TMEM131L: variants seen among roughly 807,000 people sequenced by gnomAD.
TMEM131L encodes transmembrane protein 131-like.
A neutral mutation model predicts 192.2 loss-of-function variants in TMEM131L; 54 were observed. That is an observed-to-expected ratio of 0.28 (90% confidence interval 0.23 to 0.35). The LOEUF (loss-of-function observed/expected upper bound fraction) is 0.35, where lower values mean the gene tolerates loss of function less well. Ranked by LOEUF, TMEM131L falls within the 10% of genes least tolerant of loss-of-function variation. The pLI is 1.00. For synonymous variants in TMEM131L, 701 were observed against 704.9 expected, an observed-to-expected ratio of 0.99 and a Z score of 0.09; for missense variants, 1,888 against 1,972.9, an observed-to-expected ratio of 0.96 and a Z score of 0.82.
At chr4:153,546,512 G>A (rs1737186819) in intron 3 of TMEM131L, among the ~76,000 whole-genome samples, 1 of 152,170 alleles carries the variant, frequency 6.6e-6, no homozygotes. Context: ...TTTCTTTGAA[G>A]CGAACTTTGG....
At chr4:153,612,854 C>A (rs539250573) in intron 26 of TMEM131L, among the ~76,000 whole-genome samples, 1 of 152,146 alleles carries the variant, frequency 6.6e-6, no homozygotes, top group Non-Finnish European at 1.5e-5. Flanking sequence ...GAGGGAAGAA[C>A]TAACTTTGCA....
In TMEM131L at chr4:153,604,012, G is replaced by C. The variant is rs1332787923; in HGVS notation, c.3000G>C (p.Thr1000=). 1 of 1,613,944 alleles carries C rather than the reference G, an allele frequency of 6.2e-7. No individual in the cohort carries two copies. Among genetic ancestry groups the C allele is most frequent in the African/African-American group, 1.3e-5 (1 of 74,896 alleles). ...CAGCTGCGGCCAGCAGCACCAGCAC[G>C]ACTACTGAGGAAAAACAGACTTCAC... is the stretch of plus-strand genomic sequence containing the variant. ...TSTAAASSTS[T]TTEEKQTSPL... The change falls in exon 25 of 35, where the codon ACG becomes ACC. Residue 1000 remains threonine, a synonymous_variant. Coordinates refer to ENST00000409959, the MANE Select transcript of TMEM131L (RefSeq NM_001131007.2).
At chr4:153,545,380 C>T (rs546855447) in intron 3 of TMEM131L, among the ~76,000 whole-genome samples, 3 of 151,526 alleles carry the variant, frequency 2.0e-5, no homozygotes, top group South Asian at 2.1e-4. Flanking sequence ...CTCCGCCTCC[C>T]GGGTTCACGC....
chr4:153,512,056 G>T (rs561528903), intron 3 of TMEM131L, among the ~76,000 whole-genome samples: 6 of 151,610 alleles, frequency 4.0e-5, no homozygotes, highest in Non-Finnish European at 7.3e-5. Context: ...AGTTGAGATC[G>T]AGGAGAAAGG....
At chr4:153,560,668 T>G (rs1387902634) in intron 7 of TMEM131L, among the ~76,000 whole-genome samples, 2 of 152,234 alleles carry the variant, frequency 1.3e-5, no homozygotes, top group Non-Finnish European at 2.9e-5. Context: ...ATAAATGAAA[T>G]GTATGGTCTT....
At chr4:153,478,845 T>C (rs1210993258) in intron 3 of TMEM131L, among the ~76,000 whole-genome samples, 2 of 152,216 alleles carry the variant, frequency 1.3e-5, no homozygotes, top group Non-Finnish European at 2.9e-5. Context: ...TGATTTTAAT[T>C]TTAATAACTA....
chr4:153,614,952 C>G (rs1412052233), intron 26 of TMEM131L, among the ~76,000 whole-genome samples: 1 of 152,098 alleles, frequency 6.6e-6, no homozygotes, highest in East Asian at 1.9e-4. Flanking sequence ...AAAGATAGCT[C>G]CAAGGTTCCA....
chr4:153,552,672 T>A (rs1256257110), intron 4 of TMEM131L, among the ~76,000 whole-genome samples: 2 of 151,696 alleles, frequency 1.3e-5, no homozygotes, highest in African/African-American at 4.9e-5. Context: ...CTCCATAAAA[T>A]TTTTTTTAAA....
At chr4:153,569,472 T>A (rs557152531) in intron 7 of TMEM131L, among the ~76,000 whole-genome samples, 1 of 152,338 alleles carries the variant, frequency 6.6e-6, no homozygotes, top group African/African-American at 2.4e-5. Context: ...CCATCCCAAA[T>A]TCTTTTCAAC....
At chr4:153,562,041 AT>A (rs754792062) in intron 7 of TMEM131L, among the ~76,000 whole-genome samples, 1,791 of 145,236 alleles carry the variant, frequency 0.012, 32 homozygotes, top group African/African-American at 0.038. Context: ...TAAATTTTAA[AT>A]TTTTTTTTTT....
intron 3 of TMEM131L, among the ~76,000 whole-genome samples, chr4:153,488,831 T>C (rs1018277494): frequency 1.3e-5 from 2 of 152,258 alleles, no homozygotes; most frequent in Middle Eastern, 3.4e-3. Context: ...GCCCTCGCCT[T>C]TTCCTAGCTT....
rs1262680950 is a variant in TMEM131L, at chr4:153,603,862, C to T, written c.2850C>T (p.Asn950=). ...YGPSDKGRGK[N]CLPVNTPQSR... is the part of the protein sequence containing the mutation. ...CCTCTGATAAAGGCAGGGGGAAGAA[C>T]TGCCTTCCAGTGAACACTCCCCAAA... is the stretch of plus-strand genomic sequence containing the variant. The change falls in exon 25 of 35, where the codon AAC becomes AAT. Residue 950 remains asparagine (N), a synonymous_variant. Transcript: ENST00000409959. The T allele has an allele frequency of 6.2e-7, 1 of 1,613,204 alleles. No individual in the cohort carries two copies. Among genetic ancestry groups the T allele is most frequent in the Admixed American group, 1.7e-5 (1 of 59,772 alleles).
intron 7 of TMEM131L, among the ~76,000 whole-genome samples, chr4:153,559,663 C>T (rs759687855): frequency 6.6e-6 from 1 of 152,078 alleles, no homozygotes; most frequent in Non-Finnish European, 1.5e-5. Flanking sequence ...TGCCCTTTAC[C>T]ACACCCAGGA....
chr4:153,476,708 AAAC>A (rs928124296), intron 3 of TMEM131L, among the ~76,000 whole-genome samples: 1 of 152,144 alleles, frequency 6.6e-6, no homozygotes, highest in African/African-American at 2.4e-5. Context: ...ACAAAAACAA[AAAC>A]AAAACAAAAC....
chr4:153,551,158 G>A (rs1370358379), intron 4 of TMEM131L, among the ~76,000 whole-genome samples: 1 of 152,148 alleles, frequency 6.6e-6, no homozygotes, highest in Non-Finnish European at 1.5e-5. Context: ...TCCGGGGCTG[G>A]CAAATAACAC....
rs1730515142 is a variant in TMEM131L, at chr4:153,583,665, C to T, written c.1053C>T (p.Thr351=). The T allele has an allele frequency of 6.4e-7, 1 of 1,567,554 alleles. No individual in the cohort carries two copies. The highest frequency in any genetic ancestry group is 8.7e-7 in the Non-Finnish European group (1 of 1,143,516). ...TTNFTKIASF[T]CKAATSCDSG... ...ACTTTACAAAAATTGCTTCTTTTAC[C>T]TGCAAAGGTACAGATTTTTAAACAG... The change falls in exon 11 of 35, where the codon ACC becomes ACT. Residue 351 remains threonine, a synonymous_variant. Transcript: ENST00000409959.
chr4:153,593,816 AGAT>A lies in TMEM131L; in HGVS notation c.1944_1946del (p.Met648del), dbSNP rs754441376. On this transcript the variant is annotated inframe_deletion, in exon 19 of 35. Coordinates refer to ENST00000409959, the MANE Select transcript of TMEM131L (RefSeq NM_001131007.2). ...CCTTATAGGTTTGGCACTGATATGCAGATGATTAATTTCACAACTGGTGAATTC... is the reference window on the plus strand; with the variant it reads ...CCTTATAGGTTTGGCACTGATATGCAGATTAATTTCACAACTGGTGAATTC... 110 of 1,612,830 alleles carry A rather than the reference AGAT, an allele frequency of 6.8e-5. No homozygotes were observed. Among genetic ancestry groups the A allele is most frequent in the Non-Finnish European group, 9.2e-5 (109 of 1,178,942 alleles).
chr4:153,628,014 A>G (rs558524441), intron 31 of TMEM131L, among the ~76,000 whole-genome samples: 76 of 152,352 alleles, frequency 5.0e-4, no homozygotes, highest in Admixed American at 2.0e-3. Flanking sequence ...GAGATGACAG[A>G]AAAGTACAGA....
intron 4 of TMEM131L, among the ~76,000 whole-genome samples, chr4:153,552,232 G>T (rs1350679368): frequency 6.6e-6 from 1 of 151,972 alleles, no homozygotes; most frequent in Non-Finnish European, 1.5e-5. Context: ...AGTCTTTATT[G>T]TGAAAAGAAA....
Sources: allele counts gnomAD v4.1 joint callset (sites outside exome capture counted in the v4.1 genomes callset), GRCh38; gene constraint gnomAD v4.1.1; transcripts MANE v1.5; gene names NCBI Gene and HGNC (gene_info 2026-07-23, HGNC 2026-07-21).